SNX13: variants seen among roughly 807,000 people sequenced by gnomAD.
SNX13 encodes sorting nexin-13.
In SNX13, 45 loss-of-function variants were observed where a neutral mutation model predicts 133.6. The ratio of observed to expected loss-of-function variants is 0.34; its 90% CI spans 0.27 to 0.43. The LOEUF (loss-of-function observed/expected upper bound fraction) is 0.43. SNX13 is among the 20% of genes least tolerant of loss of function. The probability of loss-of-function intolerance (pLI) is 1.00; values close to 1 mark genes in which losing one functional copy is unlikely to be tolerated. For missense variants in SNX13, 1,032 were observed against 1,145.1 expected, an observed-to-expected ratio of 0.90 and a Z score of 1.43; for synonymous variants, 414 against 373.9, an observed-to-expected ratio of 1.11 and a Z score of -1.24.
intron 12 of SNX13, among the ~76,000 whole-genome samples, chr7:17,840,890 C>G (rs1246556329): frequency 6.6e-6 from 1 of 152,058 alleles, no homozygotes; most frequent in African/African-American, 2.4e-5. Context: ...ACTCTGGAAT[C>G]TAATGAAGAT....
intron 11 of SNX13, among the ~76,000 whole-genome samples, chr7:17,847,934 C>T (rs1432730131): frequency 6.6e-6 from 1 of 152,090 alleles, no homozygotes; most frequent in African/African-American, 2.4e-5. Flanking sequence ...TTATTAGGGA[C>T]AGGGGGCACA....
rs748044394 is a variant in SNX13 at position 17,834,765 on chromosome 7, C to T, written c.1460G>A (p.Arg487Lys). 4.0e-5 allele frequency: 63 copies of T among 1,589,120 alleles called. No homozygotes were observed. The highest frequency in any genetic ancestry group is 5.3e-5 in the Non-Finnish European group (61 of 1,159,206). Residue 487 changes from arginine to lysine, a missense_variant, in exon 14 of 26, where the codon AGA becomes AAA. Transcript: ENST00000428135. ...AAATGCTGTACATAATAATACCTTT[C>T]TTTGAATGTCATCAAAGATTTCAGG... Reference protein sequence around the residue: ...PTPEIFDDIQRKVYELMLRDE... With the variant: ...PTPEIFDDIQKKVYELMLRDE...
At chr7:17,903,353 G>T (rs1265138138) in intron 1 of SNX13, among the ~76,000 whole-genome samples, 1 of 152,074 alleles carries the variant, frequency 6.6e-6, no homozygotes, top group East Asian at 1.9e-4. Context: ...TAATCTCTAG[G>T]CCATAAAATC....
chr7:17,868,320 A>T, intron 9 of SNX13, 87 bp downstream of exon 9: 1 of 865,484 alleles, frequency 1.2e-6, no homozygotes, highest in Non-Finnish European at 1.8e-6. Flanking sequence ...TTAATAAATT[A>T]CTGCTTAAAC....
intron 20 of SNX13, among the ~76,000 whole-genome samples, chr7:17,808,600 G>A (rs1012230742): frequency 6.6e-6 from 1 of 152,124 alleles, no homozygotes; most frequent in Admixed American, 6.5e-5. Context: ...AGGAAATACA[G>A]AGAACACCAC....
chr7:17,854,137 G>C (rs1246604315), intron 9 of SNX13, among the ~76,000 whole-genome samples: 2 of 152,098 alleles, frequency 1.3e-5, no homozygotes, highest in Non-Finnish European at 2.9e-5. Context: ...CTTTATTTAA[G>C]AAAGGGTGTT....
At chr7:17,805,081 C>A (rs1362849076) in intron 20 of SNX13, among the ~76,000 whole-genome samples, 4 of 152,110 alleles carry the variant, frequency 2.6e-5, no homozygotes, top group African/African-American at 9.7e-5. Context: ...GAGACTGTCA[C>A]AGTACAACCC....
At position 17,796,460 on chromosome 7, in the gene SNX13, T is replaced by C. The variant is rs1784065412; in HGVS notation, c.2626+367A>G. ...TGTCATGTATTTTATTTATTTAACTTAACTCCCAATATGTTTCAAGGCAGC... is the reference window on the plus strand; with the variant it reads ...TGTCATGTATTTTATTTATTTAACTCAACTCCCAATATGTTTCAAGGCAGC... On this transcript the variant is annotated intron_variant, in intron 25 of 25. Transcript: ENST00000428135. 3 of 164,240 alleles carry C rather than the reference T, an allele frequency of 1.8e-5. No homozygotes were observed. In the South Asian group the frequency reaches 5.8e-4, roughly 32 times the overall value. 10.2% of individuals were successfully genotyped at this position (164,240 alleles called of 1,614,324 possible). A position where few individuals can be genotyped will look rare whatever the true frequency, so the allele number is the denominator to read the frequency against.
intron 18 of SNX13, among the ~76,000 whole-genome samples, chr7:17,818,226 T>G (rs769807015): frequency 2.0e-4 from 31 of 152,180 alleles, no homozygotes; most frequent in Non-Finnish European, 3.8e-4. Context: ...TTCTGTTGTT[T>G]GGGCCACCCG....
At chr7:17,937,513 C>CAAAAAAAA in intron 1 of SNX13, among the ~76,000 whole-genome samples, 1 of 79,834 alleles carries the variant, frequency 1.3e-5, no homozygotes, top group Non-Finnish European at 2.4e-5. Context: ...GACTCCGTCT[C>CAAAAAAAA]AAAAAAAAAA....
intron 1 of SNX13, among the ~76,000 whole-genome samples, chr7:17,909,621 C>T (rs148549274): frequency 4.7e-4 from 71 of 152,278 alleles, no homozygotes; most frequent in Middle Eastern, 3.4e-3. Flanking sequence ...ACAAAAAAAC[C>T]GAACACTGCA....
intron 5 of SNX13, 143 bp from the exon 6 acceptor site, chr7:17,875,933 G>T: frequency 1.6e-6 from 1 of 611,716 alleles, no homozygotes; most frequent in Non-Finnish European, 2.6e-6. Flanking sequence ...TTACCTGTTA[G>T]TACTGTTTCA....
At chr7:17,874,428 A>C (rs1205372886) in intron 7 of SNX13, among the ~76,000 whole-genome samples, 14 of 152,188 alleles carry the variant, frequency 9.2e-5, no homozygotes, top group Admixed American at 9.2e-4. Flanking sequence ...GGGGGTCAAA[A>C]GTTATGCACA....
chr7:17,802,810 G>A (rs957784896), intron 21 of SNX13, among the ~76,000 whole-genome samples: 6 of 151,672 alleles, frequency 4.0e-5, no homozygotes, highest in African/African-American at 1.2e-4. Context: ...AAATAACTAC[G>A]TCAAAATGAT....
rs149444373 is a variant in SNX13, at chr7:17,877,704, C to A, written c.441-1914G>T. On this transcript the variant is annotated intron_variant, in intron 5 of 25. Coordinates refer to ENST00000428135, the MANE Select transcript of SNX13 (RefSeq NM_015132.5). ...ATAGAGGATGTAATGACATTTTAAACGAATAAAATTATCAAGCAATGCAAA... is the reference window on the plus strand; with the variant it reads ...ATAGAGGATGTAATGACATTTTAAAAGAATAAAATTATCAAGCAATGCAAA... Among the ~76,000 whole-genome samples, 443 of 150,236 alleles carry A rather than the reference C, an allele frequency of 2.9e-3. 11 individuals are homozygous for A. Among genetic ancestry groups the A allele is most frequent in the Admixed American group, 0.026 (385 of 15,092 alleles).
intron 18 of SNX13, among the ~76,000 whole-genome samples, chr7:17,821,259 ATTCACT>A (rs1267362638): frequency 1.3e-5 from 2 of 152,172 alleles, no homozygotes; most frequent in Non-Finnish European, 2.9e-5. Flanking sequence ...AGAAACATGT[ATTCACT>A]TTAATTTTCC....
chr7:17,867,537 G>T (rs1395869996), intron 9 of SNX13, among the ~76,000 whole-genome samples: 1 of 152,052 alleles, frequency 6.6e-6, no homozygotes, highest in Non-Finnish European at 1.5e-5. Context: ...AGCCAAGGAG[G>T]CGGAGGCTGC....
chr7:17,934,451 G>A (rs1392923630), intron 1 of SNX13, among the ~76,000 whole-genome samples: 1 of 152,184 alleles, frequency 6.6e-6, no homozygotes, highest in Non-Finnish European at 1.5e-5. Context: ...TGTCTGTGAG[G>A]ATGTTTCCAG....
At chr7:17,854,176 A>G (rs1791596832) in intron 9 of SNX13, among the ~76,000 whole-genome samples, 1 of 152,142 alleles carries the variant, frequency 6.6e-6, no homozygotes, top group East Asian at 1.9e-4. Context: ...AGCACTGTGG[A>G]GTAAATTATG....
Sources: gnomAD v4.1 joint callset for allele counts (sites outside exome capture counted in the v4.1 genomes callset) on GRCh38, gnomAD v4.1.1 for gene constraint, MANE v1.5 for transcripts, NCBI Gene and HGNC (gene_info 2026-07-23, HGNC 2026-07-21) for gene names.